Variants in ZNF23 observed in about 807,000 individuals in gnomAD.
The protein encoded by ZNF23 is zinc finger protein 23.
ZNF23 carries 48 observed loss-of-function variants against 56.2 expected under a neutral mutation model. The observed-to-expected ratio is 0.85, with a 90% CI of 0.68 to 1.09. ZNF23 has a LOEUF of 1.09. ZNF23 is among the 50% of genes least tolerant of loss of function. ZNF23 has a pLI of 0.00. For missense variants in ZNF23, 805 were observed against 811.4 expected (o/e 0.99, Z 0.10); for synonymous variants, 266 against 283.3 (o/e 0.94, Z 0.61).
At position 71,458,721 on chromosome 16, in the gene ZNF23, G is replaced by A. The variant is rs118026898; in HGVS notation, c.-32-1893C>T. ...CGCCTCCCCCATGTGAGGACACAACGAGAGGGCTACTATCTATAAGCCAGG... is the reference window on the plus strand; with the variant it reads ...CGCCTCCCCCATGTGAGGACACAACAAGAGGGCTACTATCTATAAGCCAGG... On this transcript the variant is annotated intron_variant, in intron 1 of 4. Coordinates refer to ENST00000647773, the MANE Select transcript of ZNF23 (RefSeq NM_001381984.1). 3.1e-3 allele frequency among the ~76,000 whole-genome samples: 467 copies of A among 152,290 alleles called. 3 individuals are homozygous for A. Among genetic ancestry groups the A allele is most frequent in the Non-Finnish European group, 4.9e-3 (331 of 68,024 alleles).
chr16:71,449,079 C>A lies in ZNF23; in HGVS notation c.1075G>T (p.Ala359Ser). 1 of 1,614,178 alleles carries A rather than the reference C, an allele frequency of 6.2e-7. No homozygotes were observed. Among genetic ancestry groups the A allele is most frequent in the Non-Finnish European group, 8.5e-7 (1 of 1,180,036 alleles). Residue 359 changes from alanine (A) to serine (S), a missense_variant, in exon 5 of 5, where the codon GCG becomes TCG. Coordinates refer to ENST00000647773, the MANE Select transcript of ZNF23 (RefSeq NM_001381984.1). Reference sequence around the variant, plus strand: ...ATTAATTTTGCATTAACATTGAACGCTTTCCCACAGTCATTACACTCGTAA... The same window carrying A: ...ATTAATTTTGCATTAACATTGAACGATTTCCCACAGTCATTACACTCGTAA... Reference protein sequence around the residue: ...KPYECNDCGKAFNVNAKLIQH... With the variant: ...KPYECNDCGKSFNVNAKLIQH...
At position 71,447,694 on chromosome 16, in the gene ZNF23, A is replaced by G. The variant is rs2042897938; in HGVS notation, c.*399T>C. The G allele has an allele frequency of 6.4e-6, 1 of 156,410 alleles. No individual in the cohort carries two copies. Among genetic ancestry groups the G allele is most frequent in the African/African-American group, 2.4e-5 (1 of 41,612 alleles). The allele number at this position is 156,410 out of a possible 1,614,324, so 9.7% of individuals were successfully genotyped here. A position where few individuals can be genotyped will look rare whatever the true frequency, so the allele number is the denominator to read the frequency against. ...ACAAATAAATTAATGTAGGTAGAGT[A>G]TCTTTAGTACGGGTTTTCCTATCCA... On this transcript the variant is annotated 3_prime_UTR_variant, in exon 5 of 5. Coordinates refer to ENST00000647773, the MANE Select transcript of ZNF23 (RefSeq NM_001381984.1).
At chr16:71,458,883 T>C (rs775154833) in intron 1 of ZNF23, among the ~76,000 whole-genome samples, 26 of 152,278 alleles carry the variant, frequency 1.7e-4, no homozygotes, top group Admixed American at 3.3e-4. Context: ...AGCAGACTAA[T>C]ACAGTTAGGC....
chr16:71,460,430 C>T (rs1317387612), intron 1 of ZNF23, among the ~76,000 whole-genome samples: 2 of 152,104 alleles, frequency 1.3e-5, no homozygotes, highest in African/African-American at 4.8e-5. Flanking sequence ...CAGTGAAGAA[C>T]TAACTCTCAC....
At chr16:71,454,191 C>T in intron 2 of ZNF23, 23 bp from the exon 3 acceptor site, 1 of 1,606,548 alleles carries the variant, frequency 6.2e-7, no homozygotes, top group Non-Finnish European at 8.5e-7. Flanking sequence ...GTTCCTGCTG[C>T]CCTAGGGCCA....
rs1291937233 is a variant in ZNF23, at chr16:71,447,909, A to G, written c.*184T>C. Reference sequence around the variant, plus strand: ...ATTCCTGTTGGTACAAAACAAAGCTATTTTTGGATGTTTCTCTTTAACTGG... The same window carrying G: ...ATTCCTGTTGGTACAAAACAAAGCTGTTTTTGGATGTTTCTCTTTAACTGG... On this transcript the variant is annotated 3_prime_UTR_variant, in exon 5 of 5. Transcript: ENST00000647773. 1.7e-5 allele frequency: 8 copies of G among 461,186 alleles called. No individual in the cohort carries two copies. The allele number at this position is 461,186 out of a possible 1,614,324, so 28.6% of individuals were successfully genotyped here. A position where few individuals can be genotyped will look rare whatever the true frequency, so the allele number is the denominator to read the frequency against.
chr16:71,455,015 T>C (rs781270822), intron 2 of ZNF23, among the ~76,000 whole-genome samples: 5 of 152,008 alleles, frequency 3.3e-5, no homozygotes, highest in African/African-American at 1.2e-4. Flanking sequence ...CTAACAACCA[T>C]GGGGGCTCAC....
Position 71,449,309 on chromosome 16 carries a change from T to C in ZNF23, c.845A>G (p.Tyr282Cys), listed in dbSNP as rs2042965628. Residue 282 changes from tyrosine (Y) to cysteine (C), a missense_variant, in exon 5 of 5, where the codon TAT becomes TGT. Tyr to Cys is a radical substitution (Grantham distance 194). Coordinates refer to ENST00000647773, the MANE Select transcript of ZNF23 (RefSeq NM_001381984.1). ...ACTGTGGATTGTCTGATGTGTGATA[T>C]AATGGGAACTGTAGCTGAAGCTTTT... The part of the protein sequence containing the change: ...CGKSFSYSSH[Y>C]ITHQTIHSGE... 1.2e-6 allele frequency: 2 copies of C among 1,614,034 alleles called. No homozygotes were observed. The highest frequency in any genetic ancestry group is 1.7e-6 in the Non-Finnish European group (2 of 1,179,990).
At chr16:71,454,277 A>C (rs2043150652) in intron 2 of ZNF23, 109 bp from the exon 3 acceptor site, 2 of 1,388,880 alleles carry the variant, frequency 1.4e-6, no homozygotes, top group Non-Finnish European at 9.5e-7. Context: ...GAGAGCACAA[A>C]ATTAGTATTA....
chr16:71,449,122 G>C lies in ZNF23; in HGVS notation c.1032C>G (p.Val344=), dbSNP rs753818141. ...CSSAYITHQR[V]HTGEKPYECN... is the part of the protein sequence containing the mutation. ...ACTCGTAAGGTTTCTCTCCAGTGTG[G>C]ACTCTCTGATGTGTAATATATGCAG... is the stretch of plus-strand genomic sequence containing the variant. The change falls in exon 5 of 5, where the codon GTC becomes GTG. Residue 344 remains valine, a synonymous_variant. Coordinates refer to ENST00000647773, the MANE Select transcript of ZNF23 (RefSeq NM_001381984.1). 1 of 1,614,138 alleles carries C rather than the reference G, an allele frequency of 6.2e-7. No individual in the cohort carries two copies. The highest frequency in any genetic ancestry group is 8.5e-7 in the Non-Finnish European group (1 of 1,180,028).
intron 4 of ZNF23, chr16:71,450,643 C>A (rs756565796): frequency 1.6e-5 from 7 of 428,334 alleles, no homozygotes; most frequent in South Asian, 1.1e-4. Context: ...TGCTCGAACC[C>A]GGGAAACGGA....
intron 1 of ZNF23, among the ~76,000 whole-genome samples, chr16:71,460,672 AAGT>A (rs2043411316): frequency 6.6e-6 from 1 of 152,302 alleles, no homozygotes; most frequent in East Asian, 1.9e-4. Flanking sequence ...CATCATGAGT[AAGT>A]AGGATTATCC....
At chr16:71,453,146 C>T in intron 4 of ZNF23, 97 bp downstream of exon 4, 1 of 811,976 alleles carries the variant, frequency 1.2e-6, no homozygotes, top group Admixed American at 2.2e-5. Context: ...CTCTGTATGA[C>T]TGGCCAATAA....
At chr16:71,453,999 C>T in intron 3 of ZNF23, 43 bp downstream of exon 3, 1 of 1,610,556 alleles carries the variant, frequency 6.2e-7, no homozygotes, top group South Asian at 1.1e-5. Flanking sequence ...AGCCAGGAAC[C>T]CCAATTGGCA....
chr16:71,451,565 T>C (rs2043056918), intron 4 of ZNF23: 1 of 152,300 alleles, frequency 6.6e-6, no homozygotes, highest in Admixed American at 6.5e-5. Flanking sequence ...GAGCTCCCTT[T>C]CTTGCCACCA....
chr16:71,455,316 C>T (rs141548720), intron 2 of ZNF23, among the ~76,000 whole-genome samples: 1 of 152,268 alleles, frequency 6.6e-6, no homozygotes, highest in African/African-American at 2.4e-5. Flanking sequence ...GACTTCCCAC[C>T]TTCCTTATCA....
At chr16:71,456,871 C>G in intron 1 of ZNF23, 43 bp from the exon 2 acceptor site, 1 of 855,212 alleles carries the variant, frequency 1.2e-6, no homozygotes, top group Non-Finnish European at 1.4e-6. Context: ...GGCAAGCCAC[C>G]CCAACCAGAG....
chr16:71,456,342 T>G (rs1011177819), intron 2 of ZNF23, among the ~76,000 whole-genome samples: 1 of 152,114 alleles, frequency 6.6e-6, no homozygotes, highest in African/African-American at 2.4e-5. Context: ...ACCCCTGAAT[T>G]AGAGGCACGG....
chr16:71,450,782 C>CGG, intron 4 of ZNF23: 1 of 387,532 alleles, frequency 2.6e-6, no homozygotes, highest in South Asian at 1.9e-5. Context: ...GCTCAGCATT[C>CGG]TTTTAATCAC....
Sources: gnomAD v4.1 joint callset for allele counts (sites outside exome capture counted in the v4.1 genomes callset) on GRCh38, gnomAD v4.1.1 for gene constraint, MANE v1.5 for transcripts, NCBI Gene and HGNC (gene_info 2026-07-23, HGNC 2026-07-21) for gene names.